Variants in ZNF536 observed in about 807,000 individuals in gnomAD.
The protein encoded by ZNF536 is zinc finger protein 536.
Under a neutral mutation model 84.5 loss-of-function variants are expected in ZNF536, and 13 were observed. The ratio of observed to expected loss-of-function variants is 0.15; its 90% CI spans 0.10 to 0.24. ZNF536 has a LOEUF of 0.24. Ranked by LOEUF, ZNF536 falls within the 10% of genes least tolerant of loss-of-function variation. ZNF536 has a pLI of 1.00. For missense variants in ZNF536, 1,536 were observed against 1,747.5 expected (o/e 0.88, Z 2.16); for synonymous variants, 811 against 742.5 (o/e 1.09, Z -1.50).
intron 3 of ZNF536, among the ~76,000 whole-genome samples, chr19:30,538,364 C>T (rs190549587): frequency 6.6e-6 from 1 of 152,228 alleles, no homozygotes; most frequent in East Asian, 1.9e-4. Flanking sequence ...CAGATGGCAC[C>T]TTCTCTGTAT....
At chr19:30,643,667 T>G (rs113189351) in intron 1 of ZNF536, among the ~76,000 whole-genome samples, 2,888 of 150,520 alleles carry the variant, frequency 0.019, 90 homozygotes, top group African/African-American at 0.068. Context: ...CAGGGGGGGG[T>G]TTTGGGGCAC....
At chr19:30,646,108 GTA>G (rs1230152370) in intron 1 of ZNF536, among the ~76,000 whole-genome samples, 1 of 152,068 alleles carries the variant, frequency 6.6e-6, no homozygotes, top group Non-Finnish European at 1.5e-5. Context: ...TTCAGAGAAG[GTA>G]TTCAGCTCTG....
At chr19:30,594,294 T>C (rs1599917483) in intron 1 of ZNF536, among the ~76,000 whole-genome samples, 1 of 152,330 alleles carries the variant, frequency 6.6e-6, no homozygotes, top group Middle Eastern at 3.4e-3. Context: ...TGCACCTCTG[T>C]GTACTTTCTG....
intron 2 of ZNF536, among the ~76,000 whole-genome samples, chr19:30,505,690 G>T (rs1200286351): frequency 6.6e-6 from 1 of 152,078 alleles, no homozygotes; most frequent in Non-Finnish European, 1.5e-5. Context: ...TTTTGACATA[G>T]AGTCTTACTT....
At chr19:30,355,250 C>T (rs781433014) in intron 3 of ZNF536, among the ~76,000 whole-genome samples, 22 of 151,782 alleles carry the variant, frequency 1.4e-4, no homozygotes, top group African/African-American at 3.9e-4. Flanking sequence ...GTGAGAGAGG[C>T]GGCGAGGGAA....
intron 1 of ZNF536, among the ~76,000 whole-genome samples, chr19:30,709,806 A>G (rs1328082818): frequency 6.6e-6 from 1 of 152,074 alleles, no homozygotes; most frequent in African/African-American, 2.4e-5. Context: ...TTTTGTACAG[A>G]CAGTCTCACC....
At chr19:30,600,797 T>G (rs1485316887) in intron 1 of ZNF536, among the ~76,000 whole-genome samples, 1 of 152,196 alleles carries the variant, frequency 6.6e-6, no homozygotes, top group Non-Finnish European at 1.5e-5. Context: ...ATCAGCCCTT[T>G]GCAGAGACCT....
chr19:30,346,194 C>A (rs2047736784), intron 2 of ZNF536, among the ~76,000 whole-genome samples: 1 of 152,188 alleles, frequency 6.6e-6, no homozygotes, highest in African/African-American at 2.4e-5. Flanking sequence ...GCTCAGGGTT[C>A]TTCTCCGCAG....
chr19:30,394,552 C>T (rs118105162), intron 1 of ZNF536, among the ~76,000 whole-genome samples: 1,969 of 152,296 alleles, frequency 0.013, 23 homozygotes, highest in Middle Eastern at 0.024. Flanking sequence ...CCTTCTTCAG[C>T]GTCCCTTCCC....
chr19:30,353,154 C>T (rs999575723), intron 3 of ZNF536, among the ~76,000 whole-genome samples: 19 of 152,162 alleles, frequency 1.2e-4, no homozygotes, highest in African/African-American at 4.6e-4. Context: ...TAGGCTTCCA[C>T]GGTTATCATC....
chr19:30,703,381 C>T (rs148330840), intron 1 of ZNF536, among the ~76,000 whole-genome samples: 47 of 152,302 alleles, frequency 3.1e-4, no homozygotes, highest in Non-Finnish European at 5.7e-4. Context: ...CCTCCCAGTG[C>T]TGTTTGGGAC....
intron 2 of ZNF536, among the ~76,000 whole-genome samples, chr19:30,290,243 G>A (rs1262374960): frequency 6.6e-6 from 1 of 152,180 alleles, no homozygotes; most frequent in Non-Finnish European, 1.5e-5. Context: ...CTGCTATACA[G>A]TATGTATATA....
At chr19:30,307,810 T>TCACA (rs1306067820) in intron 2 of ZNF536, among the ~76,000 whole-genome samples, 1 of 152,238 alleles carries the variant, frequency 6.6e-6, no homozygotes, top group African/African-American at 2.4e-5. Context: ...CCTGACATTT[T>TCACA]CTTCTCACTG....
intron 1 of ZNF536, among the ~76,000 whole-genome samples, chr19:30,390,556 C>G (rs1373021813): frequency 6.6e-6 from 1 of 152,214 alleles, no homozygotes; most frequent in Non-Finnish European, 1.5e-5. Context: ...TCTTCCTAGC[C>G]AGGCTCTTTG....
chr19:30,620,613 C>T (rs564116036), intron 1 of ZNF536, among the ~76,000 whole-genome samples: 9 of 152,136 alleles, frequency 5.9e-5, no homozygotes, highest in Non-Finnish European at 1.3e-4. Context: ...AATGTCATCC[C>T]CATGTGTTGC....
At chr19:30,400,063 C>T (rs551967845) in intron 1 of ZNF536, among the ~76,000 whole-genome samples, 1 of 152,072 alleles carries the variant, frequency 6.6e-6, no homozygotes, top group African/African-American at 2.4e-5. Flanking sequence ...AGAATTCATT[C>T]CTTTATATTT....
At position 30,539,063 on chromosome 19, in the gene ZNF536, G is replaced by T. The variant is rs941373371; in HGVS notation, c.2323+4064G>T. Among the ~76,000 whole-genome samples, 18 of 150,574 alleles carry T rather than the reference G, an allele frequency of 1.2e-4. No homozygotes were observed. In the East Asian group the frequency reaches 2.7e-3, roughly 23 times the overall value. ...TCTCTATAAAAGGAAAGAAAGGAAA[G>T]AAAAGAAAAGGAAAGAAAGAAAAGA... On this transcript the variant is annotated intron_variant, in intron 3 of 4. Transcript: ENST00000355537.
chr19:30,398,388 CTTTT>C (rs34335848), intron 1 of ZNF536, among the ~76,000 whole-genome samples: 1 of 147,004 alleles, frequency 6.8e-6, no homozygotes, highest in Non-Finnish European at 1.5e-5. Context: ...TTTTCTTTTT[CTTTT>C]TTTTTTTTAA....
chr19:30,609,346 T>G (rs2048009043), intron 1 of ZNF536, among the ~76,000 whole-genome samples: 2 of 152,228 alleles, frequency 1.3e-5, no homozygotes, highest in African/African-American at 2.4e-5. Flanking sequence ...CTGGACACTT[T>G]CTATACAATT....
Sources: gnomAD v4.1 joint callset for allele counts (sites outside exome capture counted in the v4.1 genomes callset) on GRCh38, gnomAD v4.1.1 for gene constraint, MANE v1.5 for transcripts, NCBI Gene and HGNC (gene_info 2026-07-23, HGNC 2026-07-21) for gene names.